Variants in DMXL1 observed in about 807,000 individuals in gnomAD.
DMXL1 encodes dmX-like protein 1.
In DMXL1, 99 loss-of-function variants were observed where a neutral mutation model predicts 319.2. The ratio of observed to expected loss-of-function variants is 0.31; its 90% CI spans 0.26 to 0.37. The LOEUF (loss-of-function observed/expected upper bound fraction) is 0.37, where lower values mean the gene tolerates loss of function less well. Among genes scored for constraint, DMXL1 ranks in the 10% least tolerant of loss-of-function variants. The pLI is 1.00. For synonymous variants in DMXL1, 1,385 were observed against 1,235.2 expected (o/e 1.12, Z -2.54); for missense variants, 3,745 against 3,595.6 (o/e 1.04, Z -1.06).
At chr5:119,085,136 C>T (rs1375619220) in intron 1 of DMXL1, among the ~76,000 whole-genome samples, 3 of 151,862 alleles carry the variant, frequency 2.0e-5, no homozygotes, top group Non-Finnish European at 2.9e-5. Context: ...CAAGATCACC[C>T]TAGCCAGCAT....
intron 32 of DMXL1, among the ~76,000 whole-genome samples, chr5:119,198,541 G>C (rs1483380961): frequency 2.0e-5 from 3 of 152,188 alleles, no homozygotes; most frequent in Non-Finnish European, 4.4e-5. Context: ...TAAGAGGAAA[G>C]TTTATAGCAC....
intron 34 of DMXL1, among the ~76,000 whole-genome samples, chr5:119,214,742 A>G (rs558514458): frequency 1.3e-5 from 2 of 152,318 alleles, no homozygotes; most frequent in African/African-American, 4.8e-5. Flanking sequence ...CTGAGAAACA[A>G]TGTTTTTAGT....
intron 10 of DMXL1, among the ~76,000 whole-genome samples, chr5:119,131,764 ACT>A (rs983991349): frequency 2.0e-5 from 3 of 152,212 alleles, no homozygotes; most frequent in African/African-American, 7.2e-5. Flanking sequence ...GCTACTGATT[ACT>A]CAGTGAACTT....
chr5:119,098,379 T>A (rs1039229363), intron 2 of DMXL1, among the ~76,000 whole-genome samples: 3 of 152,248 alleles, frequency 2.0e-5, no homozygotes, highest in African/African-American at 7.2e-5. Context: ...AAAAGGTGAT[T>A]GGACTGGGGG....
At position 119,115,130 on chromosome 5, in the gene DMXL1, CTCATGTGTAA is replaced by C. The variant is rs376441586; in HGVS notation, c.564+591_564+600del. On this transcript the variant is annotated intron_variant, in intron 6 of 43. Coordinates refer to ENST00000539542, the MANE Select transcript of DMXL1 (RefSeq NM_001290321.3). ...GTTAATCTTATTGAGCCTTTCTTTTCTCATGTGTAATATGAGGATAAAAACACCTACCTCA... is the reference window on the plus strand; with the variant it reads ...GTTAATCTTATTGAGCCTTTCTTTTCTATGAGGATAAAAACACCTACCTCA... Among the ~76,000 whole-genome samples, 622 of 152,256 alleles carry C rather than the reference CTCATGTGTAA, an allele frequency of 4.1e-3. 5 individuals carry two copies. Among genetic ancestry groups the C allele is most frequent in the African/African-American group, 0.015 (605 of 41,556 alleles).
chr5:119,242,487 A>G (rs1397658997), intron 42 of DMXL1, among the ~76,000 whole-genome samples: 2 of 152,242 alleles, frequency 1.3e-5, no homozygotes, highest in African/African-American at 2.4e-5. Flanking sequence ...TAAATGAGTG[A>G]TACTCCACAT....
Position 119,149,940 on chromosome 5 carries a change from T to G in DMXL1, c.4113T>G (p.Leu1371=). 1 of 1,613,890 alleles carries G rather than the reference T, an allele frequency of 6.2e-7. No homozygotes were observed. The highest frequency in any genetic ancestry group is 8.5e-7 in the Non-Finnish European group (1 of 1,179,916). ...NEAESNHERR[L]RSLTISASGS... Reference sequence around the variant, plus strand: ...CTGAATCTAATCATGAACGCCGCCTTAGGTCTCTCACAATCAGTGCTAGTG... The same window carrying G: ...CTGAATCTAATCATGAACGCCGCCTGAGGTCTCTCACAATCAGTGCTAGTG... Residue 1371 remains leucine, a synonymous_variant, in exon 18 of 44, where the codon CTT becomes CTG. Transcript: ENST00000539542.
intron 2 of DMXL1, among the ~76,000 whole-genome samples, chr5:119,100,199 G>A (rs1057205089): frequency 1.3e-5 from 2 of 151,932 alleles, no homozygotes; most frequent in Non-Finnish European, 2.9e-5. Context: ...GGGAAGCCGA[G>A]GCAGGTGGAT....
rs144838585 is a variant in DMXL1 at position 119,221,044 on chromosome 5, G to T, written c.8240G>T (p.Trp2747Leu). 7 of 1,613,650 alleles carry T rather than the reference G, an allele frequency of 4.3e-6. No homozygotes were observed. The highest frequency in any genetic ancestry group is 1.7e-5 in the Admixed American group (1 of 59,978). The change falls in exon 37 of 44, where the codon TGG (tryptophan) becomes TTG (leucine). Residue 2747 changes from tryptophan to leucine, a missense_variant. Transcript: ENST00000539542. ...CCTGGCACTCCAATCAACATGCCATGGCTTGGTAGTACACAGACTGGCAGA... is the reference window on the plus strand; with the variant it reads ...CCTGGCACTCCAATCAACATGCCATTGCTTGGTAGTACACAGACTGGCAGA... ...SNPGTPINMP[W>L]LGSTQTGRGA...
intron 9 of DMXL1, among the ~76,000 whole-genome samples, chr5:119,126,560 T>G (rs929567937): frequency 4.6e-5 from 7 of 152,206 alleles, no homozygotes; most frequent in African/African-American, 1.4e-4. Flanking sequence ...GCTGTTACTT[T>G]CTAAGTGCCC....
chr5:119,175,397 TG>T (rs1775606240), intron 26 of DMXL1, 60 bp downstream of exon 26: 4 of 1,231,748 alleles, frequency 3.2e-6, no homozygotes, highest in South Asian at 2.5e-5. Context: ...TTTCATATTT[TG>T]TATGTTAGTG....
chr5:119,071,430 C>A lies in DMXL1; in HGVS notation c.-140C>A. On this transcript the variant is annotated 5_prime_UTR_variant, in exon 1 of 44. Coordinates refer to ENST00000539542, the MANE Select transcript of DMXL1 (RefSeq NM_001290321.3). ...AGTCGCGGGCCCCAGCTGAGCGGCTCCGGCTCCAGGCGCCTGTCGCTGCTT... is the reference window on the plus strand; with the variant it reads ...AGTCGCGGGCCCCAGCTGAGCGGCTACGGCTCCAGGCGCCTGTCGCTGCTT... The A allele has an allele frequency of 1.2e-6, 1 of 835,368 alleles. No individual in the cohort carries two copies. Among genetic ancestry groups the A allele is most frequent in the East Asian group, 2.8e-5 (1 of 35,412 alleles). 51.7% of individuals were successfully genotyped at this position (835,368 alleles called of 1,614,324 possible). A position where few individuals can be genotyped will look rare whatever the true frequency, so the allele number is the denominator to read the frequency against.
Position 119,170,252 on chromosome 5 carries a change from C to T in DMXL1, c.5461C>T (p.Pro1821Ser). ...FNFYNYLRTH[P>S]LLLRRHFGSS... ...TTTCTACAATTATCTAAGAACACAT[C>T]CTCTTTTGCTGAGACGTCATTTTGG... The change falls in exon 24 of 44, where the codon CCT becomes TCT. Residue 1821 changes from proline (P) to serine (S), a missense_variant. By Grantham distance (74) the Pro-to-Ser change is moderately conservative. This residue lies in a region of DMXL1 where 1,382 missense variants were observed against 1,269.5 expected (regional missense o/e 1.09). Transcript: ENST00000539542. 1 of 1,613,166 alleles carries T rather than the reference C, an allele frequency of 6.2e-7. No individual in the cohort carries two copies. Among genetic ancestry groups the T allele is most frequent in the Non-Finnish European group, 8.5e-7 (1 of 1,179,738 alleles).
At chr5:119,187,112 A>T (rs1384507455) in intron 28 of DMXL1, among the ~76,000 whole-genome samples, 4 of 152,132 alleles carry the variant, frequency 2.6e-5, no homozygotes, top group African/African-American at 9.7e-5. Flanking sequence ...AAGCAACTGA[A>T]ACTTATTTTT....
At chr5:119,208,928 T>TAAAGA (rs1346571722) in intron 34 of DMXL1, among the ~76,000 whole-genome samples, 2 of 152,208 alleles carry the variant, frequency 1.3e-5, no homozygotes, top group African/African-American at 4.8e-5. Context: ...CATTTGTTGT[T>TAAAGA]TTCTGGAATT....
At chr5:119,132,538 G>T (rs555190181) in intron 10 of DMXL1, 1 of 254,260 alleles carries the variant, frequency 3.9e-6, no homozygotes, top group South Asian at 4.2e-5. Context: ...AAATTAGCCG[G>T]GCGCAGTGGC....
intron 1 of DMXL1, among the ~76,000 whole-genome samples, chr5:119,076,142 A>G (rs779725611): frequency 1.3e-5 from 2 of 152,180 alleles, no homozygotes; most frequent in Non-Finnish European, 1.5e-5. Context: ...CATCTTAGCT[A>G]TGGGAGGGAA....
rs1790023661 is a variant in DMXL1 at position 119,247,723 on chromosome 5, TC to T, written c.*505del. 6.5e-6 allele frequency: 1 copy of T among 153,162 alleles called. No individual in the cohort carries two copies. Among genetic ancestry groups the T allele is most frequent in the Non-Finnish European group, 1.5e-5 (1 of 68,716 alleles). The allele number at this position is 153,162 out of a possible 1,614,324, so 9.5% of individuals were successfully genotyped here. ...CTTCATTAAAATTGTCATTGAGACG[TC>T]AGTGATAAATGAGCTAGATGGCTCA... is the stretch of plus-strand genomic sequence containing the variant. On this transcript the variant is annotated 3_prime_UTR_variant, in exon 44 of 44. Transcript: ENST00000539542.
rs533132742 is a variant in DMXL1 at position 119,077,853 on chromosome 5, A to G, written c.87+6197A>G. Among the ~76,000 whole-genome samples, 25 of 132,684 alleles carry G rather than the reference A, an allele frequency of 1.9e-4. No individual in the cohort carries two copies. In the South Asian group the frequency reaches 5.1e-3, roughly 27 times the overall value. The allele number at this position is 132,684 out of a possible 152,430, so 87.0% of individuals were successfully genotyped here. ...AAAATATATACGTGTGTGTGTGTGT[A>G]TATATACGTGTGTGTGTGTGTGTAG... is the stretch of plus-strand genomic sequence containing the variant. On this transcript the variant is annotated intron_variant, in intron 1 of 43. Transcript: ENST00000539542.
Sources: gnomAD v4.1 joint callset for allele counts (sites outside exome capture counted in the v4.1 genomes callset) on GRCh38, gnomAD v4.1.1 for gene constraint, gnomAD v4.1.1 regional missense constraint, MANE v1.5 for transcripts, NCBI Gene and HGNC (gene_info 2026-07-23, HGNC 2026-07-21) for gene names.